Variants in GAB2 observed in about 807,000 individuals in gnomAD.
GAB2 encodes the protein GRB2 associated binding protein 2, also known as GRB2-associated-binding protein 2.
Under a neutral mutation model 65.5 loss-of-function variants are expected in GAB2, and 26 were observed. The ratio of observed to expected loss-of-function variants is 0.40; its 90% CI spans 0.29 to 0.55. The LOEUF (loss-of-function observed/expected upper bound fraction) is 0.55, where lower values mean the gene tolerates loss of function less well. GAB2 is among the 20% of genes least tolerant of loss of function. The pLI is 0.53. For missense variants in GAB2, 884 were observed against 875.8 expected, an observed-to-expected ratio of 1.01 and a Z score of -0.12; for synonymous variants, 321 against 329.6, an observed-to-expected ratio of 0.97 and a Z score of 0.28.
chr11:78,219,249 T>C lies in GAB2; in HGVS notation c.*23A>G. ...GGCCAGCTCTGGAGATGCTGCCTCC[T>C]GGGCTCTGCGGTGGCCCTCTCATCA... On this transcript the variant is annotated 3_prime_UTR_variant, in exon 10 of 10. Coordinates refer to ENST00000361507, the MANE Select transcript of GAB2 (RefSeq NM_080491.3). 1 of 1,610,914 alleles carries C rather than the reference T, an allele frequency of 6.2e-7. No homozygotes were observed. Among genetic ancestry groups the C allele is most frequent in the Non-Finnish European group, 8.5e-7 (1 of 1,179,040 alleles).
intron 1 of GAB2, among the ~76,000 whole-genome samples, chr11:78,302,366 G>A (rs1385059133): frequency 6.6e-6 from 1 of 152,106 alleles, no homozygotes; most frequent in Non-Finnish European, 1.5e-5. Flanking sequence ...CAAAAAGTGA[G>A]CTAAGGACAC....
chr11:78,230,575 C>T (rs896326956), intron 3 of GAB2, among the ~76,000 whole-genome samples: 8 of 152,244 alleles, frequency 5.3e-5, no homozygotes, highest in African/African-American at 1.9e-4. Context: ...TGTGTCTTTC[C>T]ACTTCTACCA....
At chr11:78,293,017 TG>T (rs1866721289) in intron 1 of GAB2, among the ~76,000 whole-genome samples, 1 of 152,210 alleles carries the variant, frequency 6.6e-6, no homozygotes, top group African/African-American at 2.4e-5. Context: ...GCAGATGAAT[TG>T]CTCACTACAC....
intron 1 of GAB2, among the ~76,000 whole-genome samples, chr11:78,410,326 A>G (rs1192461123): frequency 6.6e-6 from 1 of 152,192 alleles, no homozygotes; most frequent in Non-Finnish European, 1.5e-5. Context: ...CAATATGGTG[A>G]AACCCTGTCT....
rs978887655 is a variant in GAB2 at position 78,387,671 on chromosome 11, C to A, written c.75+29975G>T. On this transcript the variant is annotated intron_variant, in intron 1 of 9. Transcript: ENST00000361507. ...ACAAATAAATGACAGAAGGGAATCA[C>A]AATGGACTAAGGAGCTTTACTCACA... is the stretch of plus-strand genomic sequence containing the variant. Among the ~76,000 whole-genome samples, 2 of 152,306 alleles carry A rather than the reference C, an allele frequency of 1.3e-5. 1 individual carries two copies. Among genetic ancestry groups the A allele is most frequent in the South Asian group, 4.1e-4 (2 of 4,832 alleles).
chr11:78,261,110 A>C (rs1865717110), intron 2 of GAB2, among the ~76,000 whole-genome samples: 1 of 152,106 alleles, frequency 6.6e-6, no homozygotes, highest in Non-Finnish European at 1.5e-5. Flanking sequence ...TGAGATATAT[A>C]TATATCTCAC....
At chr11:78,386,322 T>A (rs935766428) in intron 1 of GAB2, among the ~76,000 whole-genome samples, 2 of 152,158 alleles carry the variant, frequency 1.3e-5, no homozygotes, top group Non-Finnish European at 2.9e-5. Context: ...GAATTACAAG[T>A]AGCAAGGGAA....
intron 1 of GAB2, among the ~76,000 whole-genome samples, chr11:78,373,082 G>A (rs1412858446): frequency 2.6e-5 from 4 of 151,978 alleles, no homozygotes; most frequent in Non-Finnish European, 4.4e-5. Flanking sequence ...ACACTGAGTC[G>A]GTGAGAAACT....
intron 3 of GAB2, among the ~76,000 whole-genome samples, chr11:78,249,190 C>T (rs1331082621): frequency 6.6e-6 from 1 of 152,212 alleles, no homozygotes; most frequent in Non-Finnish European, 1.5e-5. Context: ...TCATGATTCT[C>T]AGTTCCTTCA....
intron 1 of GAB2, among the ~76,000 whole-genome samples, chr11:78,381,110 T>C (rs1338898899): frequency 6.6e-6 from 1 of 152,210 alleles, no homozygotes; most frequent in Non-Finnish European, 1.5e-5. Flanking sequence ...TATTTAAGGT[T>C]GACAATACCA....
In GAB2 at chr11:78,226,556, T is replaced by A; in HGVS notation, c.1116A>T (p.Arg372Ser). The A allele has an allele frequency of 1.3e-6, 2 of 1,586,578 alleles. No homozygotes were observed. The change falls in exon 4 of 10, where the codon AGA becomes AGT. Residue 372 changes from arginine to serine, a missense_variant. Physicochemically the swap from Arg to Ser is moderately radical, Grantham distance 110. Transcript: ENST00000361507. The part of the protein sequence containing the change: ...ETPRWGSPQQ[R>S]PPISENSRSV... Reference sequence around the variant, plus strand: ...ATCTGCTATTTTCACTGATTGGCGGTCTCTGCTGAGGACTGCCCCATCGAG... The same window carrying A: ...ATCTGCTATTTTCACTGATTGGCGGACTCTGCTGAGGACTGCCCCATCGAG...
At chr11:78,289,789 C>T (rs955102584) in intron 1 of GAB2, among the ~76,000 whole-genome samples, 4 of 122,280 alleles carry the variant, frequency 3.3e-5, no homozygotes, top group East Asian at 2.7e-4. Context: ...GTTTGATATG[C>T]GGTTTTGGAA....
chr11:78,407,716 G>A (rs551595963), intron 1 of GAB2, among the ~76,000 whole-genome samples: 59 of 97,214 alleles, frequency 6.1e-4, no homozygotes, highest in Admixed American at 4.5e-3. Context: ...GGCATTTTCC[G>A]TCCCAAAAAG....
intron 9 of GAB2, 120 bp from the exon 10 acceptor site, chr11:78,219,535 T>C (rs2134449923): frequency 1.1e-6 from 1 of 876,100 alleles, no homozygotes. Flanking sequence ...GGCCTCTGCC[T>C]GCCACTGACC....
chr11:78,285,327 C>CAG (rs1444347630), intron 1 of GAB2, among the ~76,000 whole-genome samples: 2 of 152,200 alleles, frequency 1.3e-5, no homozygotes, highest in Admixed American at 6.5e-5. Flanking sequence ...CAGAGCCTGT[C>CAG]AGGTTTTGCT....
At chr11:78,263,757 G>A (rs897242959) in intron 2 of GAB2, among the ~76,000 whole-genome samples, 2 of 151,974 alleles carry the variant, frequency 1.3e-5, no homozygotes, top group African/African-American at 4.8e-5. Flanking sequence ...CAGAAGCACA[G>A]GTCTGGAAAT....
At chr11:78,240,476 C>T (rs1366829358) in intron 3 of GAB2, among the ~76,000 whole-genome samples, 2 of 152,170 alleles carry the variant, frequency 1.3e-5, no homozygotes, top group Non-Finnish European at 2.9e-5. Flanking sequence ...TGGAGCTGCA[C>T]TAGCCCCCTA....
intron 1 of GAB2, among the ~76,000 whole-genome samples, chr11:78,292,202 G>C (rs1866701627): frequency 6.6e-6 from 1 of 152,160 alleles, no homozygotes; most frequent in Non-Finnish European, 1.5e-5. Context: ...CACTTCATAG[G>C]ATTCTCTAGG....
Position 78,397,769 on chromosome 11 carries a change from G to T in GAB2, c.75+19877C>A, listed in dbSNP as rs115716312. Among the ~76,000 whole-genome samples, 496 of 152,136 alleles carry T rather than the reference G, an allele frequency of 3.3e-3. 4 individuals are homozygous for T. Among genetic ancestry groups the T allele is most frequent in the African/African-American group, 0.011 (446 of 41,500 alleles). On this transcript the variant is annotated intron_variant, in intron 1 of 9. Transcript: ENST00000361507. The stretch of plus-strand genomic sequence containing the variant: ...TCCCCACCAAGACTATAAACTTTGA[G>T]GGGAATACTATGTACACTGTAGATA...
Sources: allele counts gnomAD v4.1 joint callset (sites outside exome capture counted in the v4.1 genomes callset), GRCh38; gene constraint gnomAD v4.1.1; transcripts MANE v1.5; gene names NCBI Gene and HGNC (gene_info 2026-07-23, HGNC 2026-07-21).